XPOT: variants seen among roughly 807,000 people sequenced by gnomAD.
XPOT encodes the protein exportin-T.
A neutral mutation model predicts 128.2 loss-of-function variants in XPOT; 34 were observed. The ratio of observed to expected loss-of-function variants is 0.27; its 90% confidence interval spans 0.20 to 0.35. XPOT has a LOEUF of 0.35. Ranked by LOEUF, XPOT falls within the 10% of genes least tolerant of loss-of-function variation. The probability of loss-of-function intolerance (pLI) is 1.00; values close to 1 mark genes in which losing one functional copy is unlikely to be tolerated. For missense variants in XPOT, 838 were observed against 1,125.3 expected (o/e 0.74, Z 3.65); for synonymous variants, 348 against 394.3 (o/e 0.88, Z 1.39).
chr12:64,414,556 C>G (rs1217092550), intron 2 of XPOT, among the ~76,000 whole-genome samples: 3 of 152,124 alleles, frequency 2.0e-5, no homozygotes, highest in Non-Finnish European at 4.4e-5. Flanking sequence ...ATAAAATGAT[C>G]ACACCCTTAA....
At chr12:64,435,733 T>C in intron 22 of XPOT, 59 bp downstream of exon 22, 2 of 1,496,710 alleles carry the variant, frequency 1.3e-6, no homozygotes. Flanking sequence ...TATTATCTTG[T>C]TCTTGAAAGA....
intron 22 of XPOT, among the ~76,000 whole-genome samples, chr12:64,438,699 C>T (rs2040302028): frequency 6.6e-6 from 1 of 151,362 alleles, no homozygotes; most frequent in Non-Finnish European, 1.5e-5. Flanking sequence ...ATAATCTCGG[C>T]TCACTGCAGC....
intron 1 of XPOT, among the ~76,000 whole-genome samples, chr12:64,408,484 A>T (rs1237331957): frequency 1.3e-5 from 2 of 152,314 alleles, no homozygotes; most frequent in South Asian, 2.1e-4. Context: ...ATCATTTTTC[A>T]CATCATTTAG....
intron 5 of XPOT, 50 bp from the exon 6 acceptor site, chr12:64,418,826 G>T (rs562689868): frequency 6.4e-7 from 1 of 1,564,900 alleles, no homozygotes; most frequent in African/African-American, 1.4e-5. Context: ...GGTGTTTCTG[G>T]GTCTTTTCAA....
intron 17 of XPOT, 47 bp from the exon 18 acceptor site, chr12:64,431,491 T>G (rs2040238002): frequency 4.4e-6 from 7 of 1,589,254 alleles, no homozygotes; most frequent in Non-Finnish European, 6.0e-6. Flanking sequence ...CCATAACACT[T>G]TTAAAGAATA....
chr12:64,412,496 G>A (rs2040047675), intron 2 of XPOT, among the ~76,000 whole-genome samples: 1 of 152,040 alleles, frequency 6.6e-6, no homozygotes, highest in Admixed American at 6.6e-5. Context: ...TTGTCCTCTG[G>A]CCTCTGAGAT....
Position 64,433,473 on chromosome 12 carries a change from A to G in XPOT, c.2322A>G (p.Glu774=). 2 of 1,605,028 alleles carry G rather than the reference A, an allele frequency of 1.2e-6. No homozygotes were observed. The highest frequency in any genetic ancestry group is 1.7e-6 in the Non-Finnish European group (2 of 1,174,466). ...TGCCCCTGCTTCATGCAATTTTTGA[A>G]GTGCTGCTCCGGCCAGCAGAAGAAA... ...MFMPLLHAIF[E]VLLRPAEEND... The change falls in exon 19 of 25, where the codon GAA becomes GAG. Residue 774 remains glutamate, a synonymous_variant. Transcript: ENST00000332707.
intron 22 of XPOT, 64 bp from the exon 23 acceptor site, chr12:64,439,180 C>A: frequency 2.7e-6 from 4 of 1,470,806 alleles, no homozygotes; most frequent in South Asian, 1.1e-5. Flanking sequence ...TGTATTGTTC[C>A]GATTCTTTTT....
Position 64,439,345 on chromosome 12 carries a change from C to T in XPOT, c.2805+30C>T, listed in dbSNP as rs764472657. On this transcript the variant is annotated intron_variant, in intron 23 of 24. Coordinates refer to ENST00000332707, the MANE Select transcript of XPOT (RefSeq NM_007235.6). Reference sequence around the variant, plus strand: ...GAGCTATTTCTTACCATTGTGTAGGCGAGAGATCACAGTAGTAGCAGCATT... The same window carrying T: ...GAGCTATTTCTTACCATTGTGTAGGTGAGAGATCACAGTAGTAGCAGCATT... The T allele has an allele frequency of 3.9e-5, 62 of 1,586,068 alleles. No homozygotes were observed. In the Admixed American group the frequency reaches 5.8e-4, roughly 15 times the overall value.
chr12:64,425,306 A>G (rs1275853291), intron 13 of XPOT, 32 bp from the exon 14 acceptor site: 2 of 1,611,018 alleles, frequency 1.2e-6, no homozygotes, highest in Non-Finnish European at 1.7e-6. Context: ...GCAATAAATA[A>G]GAAGAGGTTT....
chr12:64,424,276 C>T (rs1353384497), intron 11 of XPOT, among the ~76,000 whole-genome samples: 1 of 152,116 alleles, frequency 6.6e-6, no homozygotes, highest in Admixed American at 6.6e-5. Flanking sequence ...TAGCTCTAGG[C>T]TTTTGAGGTC....
intron 24 of XPOT, 64 bp from the exon 25 acceptor site, chr12:64,448,041 A>G (rs1215599794): frequency 2.8e-6 from 4 of 1,450,500 alleles, no homozygotes; most frequent in Non-Finnish European, 3.9e-6. Context: ...ACTTGGAGCC[A>G]TTCTTCAGGT....
Position 64,450,924 on chromosome 12 carries a change from G to A in XPOT, c.*2793G>A, listed in dbSNP as rs1315460772. 1 of 152,212 alleles carries A rather than the reference G, an allele frequency of 6.6e-6. No homozygotes were observed. The highest frequency in any genetic ancestry group is 1.5e-5 in the Non-Finnish European group (1 of 68,028). 9.4% of individuals were successfully genotyped at this position (152,212 alleles called of 1,614,324 possible). A position where few individuals can be genotyped will look rare whatever the true frequency, so the allele number is the denominator to read the frequency against. ...GTGGTAAACATGTGAATGAAGGCCTGTGGCTCAGTTAATCACTCCCACAAC... is the reference window on the plus strand; with the variant it reads ...GTGGTAAACATGTGAATGAAGGCCTATGGCTCAGTTAATCACTCCCACAAC... On this transcript the variant is annotated 3_prime_UTR_variant, in exon 25 of 25. Transcript: ENST00000332707.
At chr12:64,431,118 A>G (rs940030353) in intron 17 of XPOT, among the ~76,000 whole-genome samples, 3 of 151,836 alleles carry the variant, frequency 2.0e-5, no homozygotes, top group Non-Finnish European at 2.9e-5. Context: ...TAATTTTTCT[A>G]TTTTTAGTAA....
At chr12:64,414,478 G>A (rs1445007738) in intron 2 of XPOT, among the ~76,000 whole-genome samples, 7 of 152,022 alleles carry the variant, frequency 4.6e-5, no homozygotes, top group Non-Finnish European at 7.4e-5. Flanking sequence ...TATAATCACC[G>A]CTTTAATAGC....
At chr12:64,406,837 G>A (rs572106968) in intron 1 of XPOT, among the ~76,000 whole-genome samples, 86 of 152,268 alleles carry the variant, frequency 5.6e-4, no homozygotes, top group African/African-American at 2.0e-3. Flanking sequence ...GGGAACCAGT[G>A]CCTTTCTTTG....
intron 18 of XPOT, among the ~76,000 whole-genome samples, 176 bp from the exon 19 acceptor site, chr12:64,433,238 G>A (rs1284564881): frequency 2.0e-5 from 3 of 152,312 alleles, no homozygotes; most frequent in East Asian, 1.9e-4. Context: ...GAGCCACTGC[G>A]TCTGGCCTAG....
At chr12:64,432,812 G>T (rs544729039) in intron 18 of XPOT, among the ~76,000 whole-genome samples, 4 of 152,088 alleles carry the variant, frequency 2.6e-5, no homozygotes, top group Middle Eastern at 3.2e-3. Flanking sequence ...CATTTTTTGA[G>T]AATTTAATTT....
chr12:64,424,326 G>A (rs1464140588), intron 11 of XPOT, among the ~76,000 whole-genome samples: 1 of 152,150 alleles, frequency 6.6e-6, no homozygotes, highest in Non-Finnish European at 1.5e-5. Context: ...GAGCTGGAGG[G>A]AAGAAGTTAT....
Sources: gnomAD v4.1 joint callset for allele counts (sites outside exome capture counted in the v4.1 genomes callset) on GRCh38, gnomAD v4.1.1 for gene constraint, MANE v1.5 for transcripts, NCBI Gene and HGNC (gene_info 2026-07-23, HGNC 2026-07-21) for gene names.